The following IGF2BP2 variants were observed in gnomAD, a reference collection of about 807,000 sequenced individuals.
IGF2BP2 encodes insulin-like growth factor 2 mRNA-binding protein 2.
Under a neutral mutation model 75.8 loss-of-function variants are expected in IGF2BP2, and 17 were observed. That is an observed-to-expected ratio of 0.22 (90% CI 0.15 to 0.34). The LOEUF (loss-of-function observed/expected upper bound fraction) is 0.34, where lower values mean the gene tolerates loss of function less well. Ranked by LOEUF, IGF2BP2 falls within the 10% of genes least tolerant of loss-of-function variation. The probability of loss-of-function intolerance (pLI) is 1.00; values close to 1 mark genes in which losing one functional copy is unlikely to be tolerated. For synonymous variants in IGF2BP2, 288 were observed against 295.6 expected (o/e 0.97, Z 0.26); for missense variants, 516 against 772.4 (o/e 0.67, Z 3.93).
At chr3:185,771,017 C>T (rs768853160) in intron 2 of IGF2BP2, among the ~76,000 whole-genome samples, 1 of 152,148 alleles carries the variant, frequency 6.6e-6, no homozygotes, top group Non-Finnish European at 1.5e-5. Flanking sequence ...ACCCAAAATG[C>T]TGAAATTATA....
intron 2 of IGF2BP2, among the ~76,000 whole-genome samples, chr3:185,798,890 C>T (rs1419433129): frequency 6.6e-6 from 1 of 151,612 alleles, no homozygotes; most frequent in Non-Finnish European, 1.5e-5. Context: ...AACCCTCCCA[C>T]CTTAGCCTTA....
chr3:185,646,871 G>A (rs1713657818), intron 15 of IGF2BP2, 154 bp downstream of exon 15: 1 of 639,944 alleles, frequency 1.6e-6, no homozygotes, highest in Non-Finnish European at 2.8e-6. Context: ...CTGCCCCGGG[G>A]GCCATCCCTA....
chr3:185,819,960 T>C (rs942221947), intron 2 of IGF2BP2, among the ~76,000 whole-genome samples: 1 of 152,016 alleles, frequency 6.6e-6, no homozygotes, highest in Non-Finnish European at 1.5e-5. Flanking sequence ...CCAAATTCAT[T>C]TGCATTGGAG....
At position 185,824,949 on chromosome 3, in the gene IGF2BP2, C is replaced by T. The variant is rs1741844714; in HGVS notation, c.12G>A (p.Lys4=). The change falls in exon 1 of 16, where the codon AAG becomes AAA. Residue 4 remains lysine (K), a synonymous_variant. Coordinates refer to ENST00000382199, the MANE Select transcript of IGF2BP2 (RefSeq NM_006548.6). ...CGGGGCTCAGGTTCCCGATGTAAAG[C>T]TTGTTCATCATCCGTCTCTTCCCCG... The part of the protein sequence containing the change: MMN[K]LYIGNLSPAV... The T allele has an allele frequency of 6.5e-6, 10 of 1,548,952 alleles. No individual in the cohort carries two copies. In the East Asian group the frequency reaches 2.0e-4, roughly 31 times the overall value.
chr3:185,686,162 T>A (rs1282590543), intron 7 of IGF2BP2, among the ~76,000 whole-genome samples: 1 of 152,170 alleles, frequency 6.6e-6, no homozygotes, highest in Non-Finnish European at 1.5e-5. Context: ...GGTGGGCAGA[T>A]CATTTGAAGT....
chr3:185,815,472 G>C (rs1740476100), intron 2 of IGF2BP2, among the ~76,000 whole-genome samples: 1 of 152,194 alleles, frequency 6.6e-6, no homozygotes. Context: ...TTCTGGTCAG[G>C]AGCAAGGAGT....
chr3:185,707,670 T>C (rs758173761), intron 2 of IGF2BP2, among the ~76,000 whole-genome samples: 1 of 152,170 alleles, frequency 6.6e-6, no homozygotes, highest in Admixed American at 6.5e-5. Flanking sequence ...AAAATCTATA[T>C]AATTATTCCA....
At chr3:185,702,802 G>C (rs910275241) in intron 2 of IGF2BP2, among the ~76,000 whole-genome samples, 3 of 152,142 alleles carry the variant, frequency 2.0e-5, no homozygotes, top group African/African-American at 7.2e-5. Flanking sequence ...CAGTTCACAA[G>C]TGTGCCAGAA....
At chr3:185,722,516 G>A (rs1267258822) in intron 2 of IGF2BP2, 3 of 291,326 alleles carry the variant, frequency 1.0e-5, no homozygotes, top group Middle Eastern at 1.2e-3. Flanking sequence ...TTCTGGAGGC[G>A]GTACAGTGAG....
intron 2 of IGF2BP2, among the ~76,000 whole-genome samples, chr3:185,736,472 G>C (rs1392151464): frequency 6.6e-6 from 1 of 152,166 alleles, no homozygotes; most frequent in Non-Finnish European, 1.5e-5. Flanking sequence ...ACTGCCATGG[G>C]TTCGGCTCCC....
rs142948325 is a variant in IGF2BP2 at position 185,726,957 on chromosome 3, G to A, written c.240-28610C>T. ...CAGGAGGCCGAGCACGGTGGCTCAC[G>A]CCTGTAATCCCAGCACTTTGGGAGG... On this transcript the variant is annotated intron_variant, in intron 2 of 15. Coordinates refer to ENST00000382199, the MANE Select transcript of IGF2BP2 (RefSeq NM_006548.6). Among the ~76,000 whole-genome samples, 571 of 152,278 alleles carry A rather than the reference G, an allele frequency of 3.7e-3. 4 individuals are homozygous for A. Among genetic ancestry groups the A allele is most frequent in the South Asian group, 8.7e-3 (42 of 4,816 alleles).
At chr3:185,761,528 A>G (rs903399897) in intron 2 of IGF2BP2, among the ~76,000 whole-genome samples, 1 of 152,190 alleles carries the variant, frequency 6.6e-6, no homozygotes, top group African/African-American at 2.4e-5. Flanking sequence ...GCTATTTAAG[A>G]CATTTTACTG....
At chr3:185,811,311 A>C (rs904823912) in intron 2 of IGF2BP2, among the ~76,000 whole-genome samples, 1 of 152,182 alleles carries the variant, frequency 6.6e-6, no homozygotes, top group Non-Finnish European at 1.5e-5. Flanking sequence ...TATCAAGAAA[A>C]GGACTTTTCC....
intron 7 of IGF2BP2, among the ~76,000 whole-genome samples, chr3:185,677,064 TATATAGAG>T (rs1407487829): frequency 0.032 from 1,443 of 45,688 alleles, 31 homozygotes; most frequent in Non-Finnish European, 0.045. Context: ...TATATATATA[TATATAGAG>T]AGAGAGAGAG....
intron 2 of IGF2BP2, among the ~76,000 whole-genome samples, chr3:185,741,518 C>A (rs1729553826): frequency 6.6e-6 from 1 of 152,174 alleles, no homozygotes; most frequent in African/African-American, 2.4e-5. Context: ...GTGAGTGGCA[C>A]CCTGTCCCAT....
At chr3:185,761,310 T>C (rs1391617068) in intron 2 of IGF2BP2, among the ~76,000 whole-genome samples, 4 of 152,210 alleles carry the variant, frequency 2.6e-5, no homozygotes, top group Admixed American at 1.3e-4. Context: ...GATTCAGCTT[T>C]AGTTTAGAGA....
rs1712960411 is a variant in IGF2BP2 at position 185,643,312 on chromosome 3, T to C, written c.*2219A>G. ...CTTTCCTCCACTTAAAAAGCAGCTT[T>C]GCCTGGCCAGGCTTGCAGTTCCTTA... is the stretch of plus-strand genomic sequence containing the variant. On this transcript the variant is annotated 3_prime_UTR_variant, in exon 16 of 16. Coordinates refer to ENST00000382199, the MANE Select transcript of IGF2BP2 (RefSeq NM_006548.6). Among the ~76,000 whole-genome samples the C allele has an allele frequency of 6.6e-6, 1 of 152,208 alleles. No homozygotes were observed. The highest frequency in any genetic ancestry group is 2.1e-4 in the South Asian group (1 of 4,832).
At chr3:185,668,606 A>G (rs1309847155) in intron 10 of IGF2BP2, among the ~76,000 whole-genome samples, 2 of 149,328 alleles carry the variant, frequency 1.3e-5, no homozygotes, top group East Asian at 1.9e-4. Flanking sequence ...ACTATGAACT[A>G]TTGTTCACTA....
intron 5 of IGF2BP2, among the ~76,000 whole-genome samples, chr3:185,690,675 T>G (rs1721827487): frequency 6.6e-6 from 1 of 152,238 alleles, no homozygotes; most frequent in African/African-American, 2.4e-5. Flanking sequence ...AATTGTTAAC[T>G]ATTGCCCAGT....
Sources: gnomAD v4.1 joint callset for allele counts (sites outside exome capture counted in the v4.1 genomes callset) on GRCh38, gnomAD v4.1.1 for gene constraint, MANE v1.5 for transcripts, NCBI Gene and HGNC (gene_info 2026-07-23, HGNC 2026-07-21) for gene names.